The following SH3RF1 variants were observed in gnomAD, a reference collection of about 807,000 sequenced individuals.
SH3RF1 encodes the protein E3 ubiquitin-protein ligase SH3RF1.
SH3RF1 carries 32 observed loss-of-function variants against 74.0 expected under a neutral mutation model. The ratio of observed to expected loss-of-function variants is 0.43; its 90% CI spans 0.33 to 0.58. The LOEUF (loss-of-function observed/expected upper bound fraction) is 0.58, where lower values mean the gene tolerates loss of function less well. Among genes scored for constraint, SH3RF1 ranks in the 20% least tolerant of loss-of-function variants. The pLI is 0.05. For synonymous variants in SH3RF1, 396 were observed against 439.6 expected, an observed-to-expected ratio of 0.90 and a Z score of 1.24; for missense variants, 954 against 1,130.9, an observed-to-expected ratio of 0.84 and a Z score of 2.24.
Position 169,116,467 on chromosome 4 carries a change from G to A in SH3RF1, c.1941C>T (p.Ile647=), listed in dbSNP as rs773830857. The change falls in exon 10 of 12, where the codon ATC becomes ATT. Residue 647 remains isoleucine (I), a synonymous_variant. Transcript: ENST00000284637. The part of the protein sequence containing the change: ...MPGSATHTAA[I]SISRASAPLA... The stretch of plus-strand genomic sequence containing the variant: ...GAGGGGCACTGGCTCGACTGATACT[G>A]ATGGCAGCAGTGTGCGTGGCTGAGC... 1.2e-6 allele frequency: 2 copies of A among 1,613,912 alleles called. No homozygotes were observed. Among genetic ancestry groups the A allele is most frequent in the African/African-American group, 2.7e-5 (2 of 74,912 alleles).
intron 2 of SH3RF1, among the ~76,000 whole-genome samples, chr4:169,256,662 T>C (rs1437905338): frequency 6.6e-6 from 1 of 152,110 alleles, no homozygotes; most frequent in African/African-American, 2.4e-5. Context: ...AGTGACAAGA[T>C]CACAGCTCAC....
chr4:169,105,264 A>G (rs572291263), intron 11 of SH3RF1, among the ~76,000 whole-genome samples: 1 of 152,356 alleles, frequency 6.6e-6, no homozygotes, highest in Admixed American at 6.5e-5. Flanking sequence ...CACTTAAGAC[A>G]AATACTATAT....
intron 4 of SH3RF1, among the ~76,000 whole-genome samples, chr4:169,152,100 C>A (rs1242630837): frequency 2.0e-5 from 3 of 152,106 alleles, no homozygotes; most frequent in African/African-American, 7.2e-5. Context: ...CCCTTTTATA[C>A]ATATCATGGC....
At position 169,096,085 on chromosome 4, in the gene SH3RF1, G is replaced by A. The variant is rs566319198; in HGVS notation, c.*434C>T. On this transcript the variant is annotated 3_prime_UTR_variant, in exon 12 of 12. Transcript: ENST00000284637. ...CACTCTATGTCAAAACGAATCTCTT[G>A]CTCTCAACAGGAGATAATCCAGCTT... The A allele has an allele frequency of 6.5e-6, 1 of 153,968 alleles. No homozygotes were observed. Among genetic ancestry groups the A allele is most frequent in the East Asian group, 1.9e-4 (1 of 5,230 alleles). The allele number at this position is 153,968 out of a possible 1,614,324, so 9.5% of individuals were successfully genotyped here. A position where few individuals can be genotyped will look rare whatever the true frequency, so the allele number is the denominator to read the frequency against.
At chr4:169,180,055 A>ATCC (rs1338519547) in intron 2 of SH3RF1, among the ~76,000 whole-genome samples, 102 of 152,074 alleles carry the variant, frequency 6.7e-4, no homozygotes, top group African/African-American at 2.4e-3. Flanking sequence ...CTGCATGGGG[A>ATCC]CGTAAGCAGA....
intron 2 of SH3RF1, among the ~76,000 whole-genome samples, chr4:169,251,720 A>C (rs1731108453): frequency 6.6e-6 from 1 of 152,214 alleles, no homozygotes; most frequent in South Asian, 2.1e-4. Context: ...CTCACCTATA[A>C]GGAATGCATC....
Position 169,101,420 on chromosome 4 carries a change from G to C in SH3RF1, c.2499-4733C>G, listed in dbSNP as rs146111917. Reference sequence around the variant, plus strand: ...GAGATGCCCAGAAGTCACTTACGGGGAGAGAAAGTAGAAGGGTGGTTGCAG... The same window carrying C: ...GAGATGCCCAGAAGTCACTTACGGGCAGAGAAAGTAGAAGGGTGGTTGCAG... On this transcript the variant is annotated intron_variant, in intron 11 of 11. Transcript: ENST00000284637. Among the ~76,000 whole-genome samples, 27 of 152,224 alleles carry C rather than the reference G, an allele frequency of 1.8e-4. 1 individual carries two copies. The highest frequency in any genetic ancestry group is 6.0e-4 in the African/African-American group (25 of 41,524).
At chr4:169,148,961 G>T (rs960172124) in intron 4 of SH3RF1, among the ~76,000 whole-genome samples, 13 of 152,160 alleles carry the variant, frequency 8.5e-5, no homozygotes, top group Non-Finnish European at 1.2e-4. Context: ...TAAAGAACTT[G>T]GCGATTCTTT....
intron 8 of SH3RF1, among the ~76,000 whole-genome samples, chr4:169,119,506 T>A (rs116113995): frequency 2.0e-5 from 3 of 152,120 alleles, no homozygotes; most frequent in African/African-American, 7.2e-5. Context: ...ATGTTTTCCT[T>A]CATTAACTTT....
intron 2 of SH3RF1, among the ~76,000 whole-genome samples, chr4:169,207,660 G>T (rs1338918409): frequency 6.6e-6 from 1 of 152,164 alleles, no homozygotes; most frequent in African/African-American, 2.4e-5. Flanking sequence ...TCCAGGTTCT[G>T]GATGCTTCGA....
chr4:169,162,794 T>A (rs895791408), intron 2 of SH3RF1, among the ~76,000 whole-genome samples: 3 of 152,184 alleles, frequency 2.0e-5, no homozygotes, highest in Non-Finnish European at 2.9e-5. Flanking sequence ...CCCCTCCTTA[T>A]TCCAGACCTG....
Position 169,131,239 on chromosome 4 carries a change from T to C in SH3RF1, c.1069-1083A>G, listed in dbSNP as rs187533726. Among the ~76,000 whole-genome samples the C allele has an allele frequency of 1.4e-3, 206 of 152,366 alleles. 2 individuals are homozygous for C. In the South Asian group the frequency reaches 0.026, roughly 19 times the overall value. ...TTCACAAATAAATCTATGCTATACATGGAATCTGCAATCTTTTAAAATTCA... is the reference window on the plus strand; with the variant it reads ...TTCACAAATAAATCTATGCTATACACGGAATCTGCAATCTTTTAAAATTCA... On this transcript the variant is annotated intron_variant, in intron 5 of 11. Transcript: ENST00000284637.
At chr4:169,176,761 G>A (rs1287123613) in intron 2 of SH3RF1, among the ~76,000 whole-genome samples, 3 of 152,000 alleles carry the variant, frequency 2.0e-5, no homozygotes, top group Non-Finnish European at 2.9e-5. Context: ...GGCTGGTCTC[G>A]AACTCCCTGC....
chr4:169,161,342 T>A (rs1437479478), intron 2 of SH3RF1, among the ~76,000 whole-genome samples: 1 of 152,244 alleles, frequency 6.6e-6, no homozygotes, highest in East Asian at 1.9e-4. Flanking sequence ...AGCTTTACAT[T>A]TCAAATAATT....
At chr4:169,166,982 G>T in intron 2 of SH3RF1, 1 of 224,302 alleles carries the variant, frequency 4.5e-6, no homozygotes, top group South Asian at 7.0e-5. Context: ...AAAGAGAAAT[G>T]ACCAGTGCAA....
In SH3RF1 at chr4:169,117,602, C is replaced by T. The variant is rs780549949; in HGVS notation, c.1698G>A (p.Gln566=). Residue 566 remains glutamine (Q), a synonymous_variant, in exon 9 of 12, where the codon CAG becomes CAA. Transcript: ENST00000284637. The part of the protein sequence containing the change: ...PAAVVSAAHI[Q]TSPQAKVLLH... ...ACAAGACCTTAGCCTGAGGACTTGT[C>T]TGGATGTGAGCTGCTGATACCACAG... The T allele has an allele frequency of 1.2e-6, 2 of 1,614,226 alleles. No homozygotes were observed. Among genetic ancestry groups the T allele is most frequent in the Non-Finnish European group, 1.7e-6 (2 of 1,180,050 alleles).
chr4:169,146,109 TATATTC>T (rs1733884064), intron 4 of SH3RF1, among the ~76,000 whole-genome samples: 1 of 125,440 alleles, frequency 8.0e-6, no homozygotes, highest in Admixed American at 7.7e-5. Context: ...TAAAATGTTA[TATATTC>T]TATATATTCT....
chr4:169,267,795 T>G (rs1261222388), intron 2 of SH3RF1, among the ~76,000 whole-genome samples: 2 of 152,338 alleles, frequency 1.3e-5, no homozygotes, highest in South Asian at 2.1e-4. Flanking sequence ...GTTCCTGTAT[T>G]AAATGAAAGA....
intron 2 of SH3RF1, among the ~76,000 whole-genome samples, chr4:169,247,070 G>C (rs1483400388): frequency 6.6e-6 from 1 of 152,208 alleles, no homozygotes; most frequent in Non-Finnish European, 1.5e-5. Flanking sequence ...CATTAAAAGA[G>C]GACTTCAAGG....
Sources: allele counts gnomAD v4.1 joint callset (sites outside exome capture counted in the v4.1 genomes callset), GRCh38; gene constraint gnomAD v4.1.1; transcripts MANE v1.5; gene names NCBI Gene and HGNC (gene_info 2026-07-23, HGNC 2026-07-21).